The following DNAJB6 variants were observed in gnomAD, a reference collection of about 807,000 sequenced individuals.
DNAJB6 encodes the protein dnaJ homolog subfamily B member 6.
In DNAJB6, 16 loss-of-function variants were observed where a neutral mutation model predicts 42.7. The ratio of observed to expected loss-of-function variants is 0.37; its 90% CI spans 0.25 to 0.57. The LOEUF is 0.57. Among genes scored for constraint, DNAJB6 ranks in the 20% least tolerant of loss-of-function variants. The probability of loss-of-function intolerance (pLI) is 0.74; values close to 1 mark genes in which losing one functional copy is unlikely to be tolerated. For missense variants in DNAJB6, 347 were observed against 416.8 expected (o/e 0.83, Z 1.46); for synonymous variants, 170 against 163.5 (o/e 1.04, Z -0.30).
chr7:157,408,478 G>T (rs928502980), intron 8 of DNAJB6, among the ~76,000 whole-genome samples: 1 of 152,198 alleles, frequency 6.6e-6, no homozygotes, highest in African/African-American at 2.4e-5. Context: ...TCCAGGCTGC[G>T]AGTTGCCCAG....
At position 157,416,330 on chromosome 7, in the gene DNAJB6, C is replaced by G. The variant is rs140516420; in HGVS notation, c.*232C>G. The stretch of plus-strand genomic sequence containing the variant: ...CTTGGCCGCGACTCTCTGCTTCTCT[C>G]CAGCTCTCAATCTGCTGCATTTTCC... On this transcript the variant is annotated 3_prime_UTR_variant, in exon 10 of 10. Coordinates refer to ENST00000262177, the MANE Select transcript of DNAJB6 (RefSeq NM_058246.4). 24 of 559,180 alleles carry G rather than the reference C, an allele frequency of 4.3e-5. No individual in the cohort carries two copies. Among genetic ancestry groups the G allele is most frequent in the African/African-American group, 4.1e-4 (22 of 53,342 alleles). The allele number at this position is 559,180 out of a possible 1,614,324, so 34.6% of individuals were successfully genotyped here.
intron 8 of DNAJB6, among the ~76,000 whole-genome samples, chr7:157,388,403 G>A (rs1484853674): frequency 6.6e-6 from 1 of 152,148 alleles, no homozygotes; most frequent in Non-Finnish European, 1.5e-5. Context: ...TTAAATTACA[G>A]TTTTTGGTAA....
At chr7:157,345,751 C>T (rs1798651334) in intron 1 of DNAJB6, among the ~76,000 whole-genome samples, 1 of 152,092 alleles carries the variant, frequency 6.6e-6, no homozygotes, top group African/African-American at 2.4e-5. Context: ...TAAATAGCTG[C>T]ATTTGGCTTA....
chr7:157,375,394 C>G (rs1486837986), intron 5 of DNAJB6, among the ~76,000 whole-genome samples: 2 of 152,176 alleles, frequency 1.3e-5, no homozygotes, highest in Non-Finnish European at 2.9e-5. Context: ...AATTTGATTG[C>G]AGTGTATTGT....
intron 9 of DNAJB6, chr7:157,411,398 G>C (rs967551049): frequency 5.3e-4 from 57 of 106,828 alleles, no homozygotes; most frequent in East Asian, 1.7e-3. Context: ...CGTGGGGAAG[G>C]TTCCCAGGAT....
intron 8 of DNAJB6, among the ~76,000 whole-genome samples, chr7:157,391,645 C>T (rs947582175): frequency 1.3e-5 from 2 of 152,256 alleles, no homozygotes; most frequent in Non-Finnish European, 2.9e-5. Context: ...GCAGCACCCA[C>T]TGGGTCTCAG....
At chr7:157,359,802 A>T (rs1377710231) in intron 2 of DNAJB6, among the ~76,000 whole-genome samples, 1 of 152,212 alleles carries the variant, frequency 6.6e-6, no homozygotes, top group Admixed American at 6.5e-5. Context: ...TTGGGCAACC[A>T]AGCCGAGACC....
chr7:157,338,741 G>T (rs1798184206), intron 1 of DNAJB6, among the ~76,000 whole-genome samples: 1 of 152,200 alleles, frequency 6.6e-6, no homozygotes, highest in Non-Finnish European at 1.5e-5. Context: ...TTTTATGCAC[G>T]CTTCAGCGAG....
chr7:157,385,014 G>T lies in DNAJB6; in HGVS notation c.620+6G>T, dbSNP rs755805131. On this transcript the variant is annotated splice_donor_region_variant and intron_variant, in intron 7 of 9. Transcript: ENST00000262177. ...AGAAAAATCACTACAAAGAGGTACTGTGGTATTCTGCATTTTATATTTTTA... is the reference window on the plus strand; with the variant it reads ...AGAAAAATCACTACAAAGAGGTACTTTGGTATTCTGCATTTTATATTTTTA... 1.9e-6 allele frequency: 3 copies of T among 1,612,154 alleles called. No homozygotes were observed. In the Admixed American group the frequency reaches 5.0e-5, roughly 27 times the overall value.
chr7:157,361,261 C>T (rs372924572), intron 2 of DNAJB6, among the ~76,000 whole-genome samples: 1 of 151,508 alleles, frequency 6.6e-6, no homozygotes, highest in African/African-American at 2.4e-5. Flanking sequence ...CAGGTTCAGG[C>T]GATTCTCCTG....
intron 5 of DNAJB6, 124 bp from the exon 6 acceptor site, chr7:157,382,122 A>T: frequency 3.6e-6 from 4 of 1,121,084 alleles, no homozygotes; most frequent in Non-Finnish European, 4.9e-6. Flanking sequence ...TCTTTTGTTA[A>T]AACCTCTTAA....
intron 1 of DNAJB6, among the ~76,000 whole-genome samples, chr7:157,348,404 A>G (rs1464669598): frequency 1.3e-5 from 2 of 152,156 alleles, no homozygotes; most frequent in Non-Finnish European, 2.9e-5. Flanking sequence ...TTATTTTTTA[A>G]TATTGCCATA....
intron 8 of DNAJB6, among the ~76,000 whole-genome samples, chr7:157,399,858 G>T (rs957238649): frequency 6.6e-6 from 1 of 152,014 alleles, no homozygotes; most frequent in Admixed American, 6.6e-5. Flanking sequence ...TAGTAGAGAC[G>T]GGGTTTCACC....
At chr7:157,383,895 T>A (rs1563138147) in intron 6 of DNAJB6, among the ~76,000 whole-genome samples, 1 of 152,218 alleles carries the variant, frequency 6.6e-6, no homozygotes, top group Non-Finnish European at 1.5e-5. Context: ...AATTGAAATA[T>A]TTTGGATATA....
intron 8 of DNAJB6, among the ~76,000 whole-genome samples, chr7:157,391,477 G>A (rs550681264): frequency 7.9e-5 from 12 of 152,304 alleles, no homozygotes; most frequent in African/African-American, 2.6e-4. Context: ...CACTGGACAC[G>A]GCCTCCTGCG....
intron 8 of DNAJB6, among the ~76,000 whole-genome samples, chr7:157,391,384 C>T (rs751628049): frequency 2.0e-5 from 3 of 152,220 alleles, no homozygotes; most frequent in Non-Finnish European, 4.4e-5. Flanking sequence ...AGAACTTGAA[C>T]GAGAAAGTGC....
chr7:157,408,315 T>C (rs1170935996), intron 8 of DNAJB6, among the ~76,000 whole-genome samples: 1 of 152,120 alleles, frequency 6.6e-6, no homozygotes, highest in Non-Finnish European at 1.5e-5. Context: ...GTGTTCAAAG[T>C]GTGGGGAAAT....
chr7:157,371,737 C>T (rs561152792), intron 5 of DNAJB6, among the ~76,000 whole-genome samples: 1 of 152,120 alleles, frequency 6.6e-6, no homozygotes, highest in Non-Finnish European at 1.5e-5. Flanking sequence ...AGGATGCTCT[C>T]TTTATTTTAT....
rs773234613 is a variant in DNAJB6, at chr7:157,382,360, TTTC to T, written c.467_469del (p.Ser156del). 6.2e-7 allele frequency: 1 copy of T among 1,610,304 alleles called. No homozygotes were observed. Among genetic ancestry groups the T allele is most frequent in the South Asian group, 1.1e-5 (1 of 90,504 alleles). ...GGATTTCCGTCTTTTGGAAGTGGAT[TTTC>T]TTCTTTTGATACAGGTATTAAATCC... On this transcript the variant is annotated inframe_deletion, in exon 6 of 10. Coordinates refer to ENST00000262177, the MANE Select transcript of DNAJB6 (RefSeq NM_058246.4).
Sources: gnomAD v4.1 joint callset for allele counts (sites outside exome capture counted in the v4.1 genomes callset) on GRCh38, gnomAD v4.1.1 for gene constraint, MANE v1.5 for transcripts, NCBI Gene and HGNC (gene_info 2026-07-23, HGNC 2026-07-21) for gene names.